AGBL1: variants seen among roughly 807,000 people sequenced by gnomAD.
AGBL1 encodes the protein cytosolic carboxypeptidase 4.
A neutral mutation model predicts 118.9 loss-of-function variants in AGBL1; 130 were observed. The observed-to-expected ratio is 1.09, with a 90% confidence interval of 0.95 to 1.26. The LOEUF (loss-of-function observed/expected upper bound fraction) is 1.26, where lower values mean the gene tolerates loss of function less well. Ranked by LOEUF, AGBL1 falls within the 50% of genes most tolerant of loss-of-function variation. AGBL1 has a pLI of 0.00. For missense variants in AGBL1, 1,584 were observed against 1,298.1 expected, an observed-to-expected ratio of 1.22 and a Z score of -3.38; for synonymous variants, 555 against 478.9, an observed-to-expected ratio of 1.16 and a Z score of -2.08.
chr15:86,605,890 G>A lies in AGBL1; in HGVS notation c.2994+51353G>A, dbSNP rs187704020. 3.4e-3 allele frequency among the ~76,000 whole-genome samples: 519 copies of A among 152,070 alleles called. 1 individual carries two copies. The highest frequency in any genetic ancestry group is 6.2e-3 in the Non-Finnish European group (421 of 68,010). On this transcript the variant is annotated intron_variant, in intron 21 of 22. Coordinates refer to ENST00000614907, the MANE Select transcript of AGBL1 (RefSeq NM_001386094.1). The stretch of plus-strand genomic sequence containing the variant: ...ATCTGTAATCCCAGCACTTTGGGAG[G>A]CCAAGGAAGGTGGATCGCCTGAGGT...
chr15:86,393,265 G>C (rs1343042266), intron 17 of AGBL1, among the ~76,000 whole-genome samples: 1 of 152,152 alleles, frequency 6.6e-6, no homozygotes, highest in African/African-American at 2.4e-5. Context: ...GTTAGAGCTT[G>C]CATTTGGCTT....
rs1400102434 is a variant in AGBL1, at chr15:86,292,164, CT to C, written c.2221-3088del. On this transcript the variant is annotated intron_variant, in intron 16 of 22. Transcript: ENST00000614907. ...GGGACTTTGAAGATGTGATTAGAGA[CT>C]TTAAGATGGGGAGATTAACCTTGAT... Among the ~76,000 whole-genome samples, 3 of 152,240 alleles carry C rather than the reference CT, an allele frequency of 2.0e-5. No homozygotes were observed. In the East Asian group the frequency reaches 5.8e-4, roughly 29 times the overall value.
chr15:86,975,565 T>A (rs978901247), intron 23 of AGBL1, among the ~76,000 whole-genome samples: 1 of 151,992 alleles, frequency 6.6e-6, no homozygotes, highest in African/African-American at 2.4e-5. Context: ...AAAGACCCTG[T>A]CTCCAAAAAT....
intron 18 of AGBL1, among the ~76,000 whole-genome samples, chr15:86,424,862 C>A (rs894568310): frequency 8.5e-5 from 13 of 152,112 alleles, no homozygotes; most frequent in Admixed American, 1.3e-4. Flanking sequence ...GCCAGTTAGA[C>A]TGGCGATCTT....
intron 1 of AGBL1, among the ~76,000 whole-genome samples, chr15:86,081,634 G>A (rs543571950): frequency 1.9e-4 from 29 of 152,264 alleles, no homozygotes; most frequent in African/African-American, 6.7e-4. Flanking sequence ...TTTGTATCTG[G>A]CTAGATTTAT....
chr15:86,154,434 A>G lies in AGBL1; in HGVS notation c.267A>G (p.Lys89=), dbSNP rs560232482. 1.2e-6 allele frequency: 2 copies of G among 1,611,998 alleles called. No homozygotes were observed. The highest frequency in any genetic ancestry group is 2.7e-5 in the African/African-American group (2 of 75,010). The change falls in exon 4 of 23, where the codon AAA becomes AAG. Residue 89 remains lysine, a synonymous_variant. Coordinates refer to ENST00000614907, the MANE Select transcript of AGBL1 (RefSeq NM_001386094.1). ...TAGATTGATTTGTGTTCTTAGATAA[A>G]AAGATTGGACGGAAGGCCCTAGAAT... ...RLLAKVGLRD[K]KIGRKALELE...
chr15:86,982,277 A>G (rs772935171), intron 23 of AGBL1, among the ~76,000 whole-genome samples: 1 of 152,148 alleles, frequency 6.6e-6, no homozygotes, highest in East Asian at 1.9e-4. Context: ...AGCAGAGAAC[A>G]TATATTTTCA....
Position 86,521,245 on chromosome 15 carries a change from A to C in AGBL1, c.2556-1565A>C, listed in dbSNP as rs563088652. 3.5e-4 allele frequency among the ~76,000 whole-genome samples: 54 copies of C among 152,332 alleles called. 1 individual carries two copies. The highest frequency in any genetic ancestry group is 6.6e-4 in the Non-Finnish European group (45 of 68,020). On this transcript the variant is annotated intron_variant, in intron 18 of 22. Transcript: ENST00000614907. ...GGTAAAAGGAGAAGACTGAAGACTG[A>C]ACCTTCTTTTTACCTCCAATGTTTA...
chr15:86,472,170 G>A (rs1041083757), intron 18 of AGBL1, among the ~76,000 whole-genome samples: 1 of 152,198 alleles, frequency 6.6e-6, no homozygotes, highest in Non-Finnish European at 1.5e-5. Flanking sequence ...CTCCAGAAGT[G>A]TGAGAGAATA....
At chr15:86,903,450 A>C (rs1301426620) in intron 22 of AGBL1, among the ~76,000 whole-genome samples, 1 of 151,750 alleles carries the variant, frequency 6.6e-6, no homozygotes, top group Non-Finnish European at 1.5e-5. Flanking sequence ...ATAATTACTT[A>C]TGGCAACACT....
At chr15:86,081,427 G>A (rs1007404003) in intron 1 of AGBL1, among the ~76,000 whole-genome samples, 1 of 152,164 alleles carries the variant, frequency 6.6e-6, no homozygotes, top group Non-Finnish European at 1.5e-5. Context: ...ATAAGGAAAC[G>A]GAATCTCAGA....
In AGBL1 at chr15:86,714,680, C is replaced by T. The variant is rs142208526; in HGVS notation, c.3158+40244C>T. Reference sequence around the variant, plus strand: ...AAAGTCCTCTACTGTGGAGTAAAGTCGTGACCTTGTTGTCAATAACCCTCT... The same window carrying T: ...AAAGTCCTCTACTGTGGAGTAAAGTTGTGACCTTGTTGTCAATAACCCTCT... On this transcript the variant is annotated intron_variant, in intron 22 of 22. Transcript: ENST00000614907. Among the ~76,000 whole-genome samples, 9 of 152,308 alleles carry T rather than the reference C, an allele frequency of 5.9e-5. No homozygotes were observed. In the South Asian group the frequency reaches 1.0e-3, roughly 18 times the overall value.
At chr15:86,717,946 C>G (rs2086662227) in intron 22 of AGBL1, among the ~76,000 whole-genome samples, 1 of 152,068 alleles carries the variant, frequency 6.6e-6, no homozygotes, top group African/African-American at 2.4e-5. Context: ...GGCGTGATGG[C>G]ATGCACCTGT....
chr15:86,112,648 C>T (rs1897466290), intron 1 of AGBL1, among the ~76,000 whole-genome samples: 1 of 152,144 alleles, frequency 6.6e-6, no homozygotes, highest in African/African-American at 2.4e-5. Context: ...ATTTTAAAGG[C>T]TTTTGATTAA....
At chr15:86,861,789 A>T (rs928438686) in intron 22 of AGBL1, among the ~76,000 whole-genome samples, 3 of 152,170 alleles carry the variant, frequency 2.0e-5, no homozygotes, top group African/African-American at 7.2e-5. Flanking sequence ...GAAATGTCCA[A>T]CCCTAAAGTA....
intron 21 of AGBL1, among the ~76,000 whole-genome samples, chr15:86,650,233 A>T (rs1013004693): frequency 2.6e-5 from 4 of 152,106 alleles, no homozygotes; most frequent in Non-Finnish European, 5.9e-5. Flanking sequence ...GGCCACCTGA[A>T]ATGAGGACTA....
chr15:86,136,582 T>C (rs1434369157), intron 1 of AGBL1, among the ~76,000 whole-genome samples: 1 of 151,294 alleles, frequency 6.6e-6, no homozygotes, highest in Non-Finnish European at 1.5e-5. Context: ...CTACAAAGAG[T>C]GGGGAGAAAT....
At chr15:86,180,776 G>A (rs1456639186) in intron 5 of AGBL1, among the ~76,000 whole-genome samples, 1 of 151,980 alleles carries the variant, frequency 6.6e-6, no homozygotes, top group African/African-American at 2.4e-5. Flanking sequence ...CATGTACCTT[G>A]TAAAAAAGTT....
At chr15:86,198,872 TTTA>T (rs1164789688) in intron 5 of AGBL1, among the ~76,000 whole-genome samples, 1 of 152,160 alleles carries the variant, frequency 6.6e-6, no homozygotes, top group Non-Finnish European at 1.5e-5. Context: ...GTCTTGATAT[TTTA>T]TTATTATTGC....
Sources: gnomAD v4.1 joint callset for allele counts (sites outside exome capture counted in the v4.1 genomes callset) on GRCh38, gnomAD v4.1.1 for gene constraint, MANE v1.5 for transcripts, NCBI Gene and HGNC (gene_info 2026-07-23, HGNC 2026-07-21) for gene names.